Variants in ADGRL2 observed in about 807,000 individuals in gnomAD.
ADGRL2 encodes the protein calcium-independent alpha-latrotoxin receptor 2.
Under a neutral mutation model 157.4 loss-of-function variants are expected in ADGRL2, and 44 were observed. That is an observed-to-expected ratio of 0.28 (90% CI 0.22 to 0.36). The LOEUF is 0.36. ADGRL2 is among the 10% of genes least tolerant of loss of function. The pLI is 1.00. For synonymous variants in ADGRL2, 585 were observed against 624.7 expected (o/e 0.94, Z 0.95); for missense variants, 1,510 against 1,768.9 (o/e 0.85, Z 2.63).
chr1:81,361,898 C>T (rs936209171), intron 1 of ADGRL2, among the ~76,000 whole-genome samples: 1 of 151,746 alleles, frequency 6.6e-6, no homozygotes, highest in Non-Finnish European at 1.5e-5. Flanking sequence ...TTTTTCCTCC[C>T]CCATTCAATA....
chr1:81,416,395 A>G (rs2077035574), intron 1 of ADGRL2, among the ~76,000 whole-genome samples: 1 of 152,006 alleles, frequency 6.6e-6, no homozygotes, highest in Non-Finnish European at 1.5e-5. Context: ...TCTTACATTA[A>G]CAGAGACTTG....
At chr1:81,730,702 G>A (rs1411176704) in intron 1 of ADGRL2, among the ~76,000 whole-genome samples, 2 of 151,048 alleles carry the variant, frequency 1.3e-5, no homozygotes, top group African/African-American at 2.5e-5. Flanking sequence ...CAGCCTGGGC[G>A]GCAGAGTGAG....
chr1:81,649,133 T>C (rs1570731371), intron 3 of ADGRL2, among the ~76,000 whole-genome samples: 1 of 152,264 alleles, frequency 6.6e-6, no homozygotes, highest in East Asian at 1.9e-4. Flanking sequence ...ACTTCTTCCC[T>C]CTTCTGGAAT....
intron 1 of ADGRL2, among the ~76,000 whole-genome samples, chr1:81,711,738 A>G (rs1341098098): frequency 6.6e-6 from 1 of 152,206 alleles, no homozygotes; most frequent in Non-Finnish European, 1.5e-5. Context: ...GCAAATGTCA[A>G]CAGAGTGAAA....
chr1:81,891,957 TAA>T (rs948836780), intron 2 of ADGRL2, among the ~76,000 whole-genome samples: 4 of 126,464 alleles, frequency 3.2e-5, no homozygotes, highest in South Asian at 2.9e-4. Context: ...GTGTGGCTAA[TAA>T]GTGTGTGTGT....
chr1:81,796,644 G>T (rs1306650084), upstream of ADGRL2, among the ~76,000 whole-genome samples: 2 of 152,074 alleles, frequency 1.3e-5, no homozygotes, highest in African/African-American at 4.8e-5. Context: ...ATACAATTAT[G>T]CATATATTAA....
chr1:81,736,142 C>CAA (rs71085371), intron 1 of ADGRL2, among the ~76,000 whole-genome samples: 1,228 of 92,514 alleles, frequency 0.013, 36 homozygotes, highest in African/African-American at 0.045. Context: ...GACCCCGTCT[C>CAA]AAAAAAAAAA....
rs749641746 is a variant in ADGRL2, at chr1:81,943,812, A to G, written c.1210+43A>G. 3 of 1,480,436 alleles carry G rather than the reference A, an allele frequency of 2.0e-6. No individual in the cohort carries two copies. The highest frequency in any genetic ancestry group is 2.8e-6 in the Non-Finnish European group (3 of 1,088,656). 91.7% of individuals were successfully genotyped at this position (1,480,436 alleles called of 1,614,324 possible). On this transcript the variant is annotated intron_variant, in intron 6 of 23. Transcript: ENST00000686636. This position sits in a 1 kb window ranked among gnomAD's most constrained non-coding sequence, Gnocchi z 5.6. ...CTAATGCTTATGTCATTTTGTGAAA[A>G]GCATTTTTCTTTTTAAAGACTTCTT...
intron 2 of ADGRL2, among the ~76,000 whole-genome samples, chr1:81,873,387 A>C (rs920778014): frequency 6.6e-6 from 1 of 152,080 alleles, no homozygotes; most frequent in Non-Finnish European, 1.5e-5. Flanking sequence ...TAGTTACAAT[A>C]CTTATTTCTG....
intron 3 of ADGRL2, among the ~76,000 whole-genome samples, chr1:81,583,407 T>C (rs1268193271): frequency 6.6e-6 from 1 of 152,118 alleles, no homozygotes; most frequent in Non-Finnish European, 1.5e-5. Flanking sequence ...TTTGTTGTTT[T>C]TTTTTCTTTG....
At chr1:81,897,984 A>G (rs1330954642) in intron 2 of ADGRL2, among the ~76,000 whole-genome samples, 1 of 152,118 alleles carries the variant, frequency 6.6e-6, no homozygotes, top group Non-Finnish European at 1.5e-5. Flanking sequence ...TGCAGTCCTA[A>G]CTACTCTGGG....
At chr1:81,838,379 A>T (rs1280932389) in intron 2 of ADGRL2, among the ~76,000 whole-genome samples, 1 of 152,100 alleles carries the variant, frequency 6.6e-6, no homozygotes, top group Non-Finnish European at 1.5e-5. Flanking sequence ...TGGCAGTTAC[A>T]ATCTTTGGGT....
upstream of ADGRL2, among the ~76,000 whole-genome samples, chr1:81,797,578 C>T (rs187639585): frequency 6.6e-6 from 1 of 152,266 alleles, no homozygotes; most frequent in Admixed American, 6.5e-5. Context: ...TCACAATATT[C>T]TGCACCTATG....
intron 1 of ADGRL2, among the ~76,000 whole-genome samples, chr1:81,367,059 C>T (rs1362020846): frequency 2.6e-5 from 4 of 152,160 alleles, no homozygotes; most frequent in African/African-American, 9.7e-5. Context: ...CAGAACAGTT[C>T]CACCTGGATA....
intron 3 of ADGRL2, among the ~76,000 whole-genome samples, chr1:81,672,695 T>C (rs775839068): frequency 6.6e-6 from 1 of 152,190 alleles, no homozygotes; most frequent in Non-Finnish European, 1.5e-5. Flanking sequence ...AATGTTGACA[T>C]TGAACCGTGA....
intron 4 of ADGRL2, among the ~76,000 whole-genome samples, chr1:81,937,695 C>T (rs939006927): frequency 3.3e-5 from 5 of 151,492 alleles, no homozygotes; most frequent in African/African-American, 7.3e-5. Context: ...AGTTCATGGG[C>T]GTTTGAATTA....
At chr1:81,812,872 T>C (rs1259793163) in intron 1 of ADGRL2, among the ~76,000 whole-genome samples, 2 of 151,746 alleles carry the variant, frequency 1.3e-5, no homozygotes, top group East Asian at 3.9e-4. Flanking sequence ...AGAAAACTGC[T>C]GACTAACTTG....
At chr1:81,689,918 A>G (rs1169649516) in intron 3 of ADGRL2, among the ~76,000 whole-genome samples, 2 of 152,148 alleles carry the variant, frequency 1.3e-5, no homozygotes, top group Non-Finnish European at 2.9e-5. Flanking sequence ...GACCAGACCC[A>G]GTCTTTGGAT....
At chr1:81,749,294 TGAG>T (rs1365290714) in intron 1 of ADGRL2, among the ~76,000 whole-genome samples, 1 of 152,106 alleles carries the variant, frequency 6.6e-6, no homozygotes, top group African/African-American at 2.4e-5. Flanking sequence ...CAAACAAATA[TGAG>T]AAGAATATAT....
Sources: allele counts gnomAD v4.1 joint callset (sites outside exome capture counted in the v4.1 genomes callset), GRCh38; gene constraint gnomAD v4.1.1; non-coding constraint Gnocchi (gnomAD v3.1); transcripts MANE v1.5; gene names NCBI Gene and HGNC (gene_info 2026-07-23, HGNC 2026-07-21).